The following SPHKAP variants were observed in gnomAD, a reference collection of about 807,000 sequenced individuals.
SPHKAP encodes the protein A-kinase anchor protein SPHKAP.
Under a neutral mutation model 137.5 loss-of-function variants are expected in SPHKAP, and 67 were observed. The ratio of observed to expected loss-of-function variants is 0.49; its 90% CI spans 0.40 to 0.60. The LOEUF is 0.60. Among genes scored for constraint, SPHKAP ranks in the 20% least tolerant of loss-of-function variants. The pLI is 0.00. For missense variants in SPHKAP, 2,097 were observed against 2,069.3 expected (o/e 1.01, Z -0.26); for synonymous variants, 813 against 785.3 (o/e 1.04, Z -0.59).
intron 3 of SPHKAP, among the ~76,000 whole-genome samples, chr2:228,076,681 G>C (rs1221452475): frequency 6.6e-6 from 1 of 152,176 alleles, no homozygotes; most frequent in Non-Finnish European, 1.5e-5. Context: ...CTTGGGTACT[G>C]TTAAAGGCAT....
rs144693276 is a variant in SPHKAP, at chr2:228,023,800, C to G, written c.441+1594G>C. On this transcript the variant is annotated intron_variant, in intron 5 of 11. Coordinates refer to ENST00000392056, the MANE Select transcript of SPHKAP (RefSeq NM_001142644.2). Reference sequence around the variant, plus strand: ...TGATTCACACGGAGTTGATTCACTTCCAGCGCCAGGGGTGATCATGTGACT... The same window carrying G: ...TGATTCACACGGAGTTGATTCACTTGCAGCGCCAGGGGTGATCATGTGACT... Among the ~76,000 whole-genome samples the G allele has an allele frequency of 9.4e-3, 1,426 of 152,282 alleles. 31 individuals carry two copies. Among genetic ancestry groups the G allele is most frequent in the African/African-American group, 0.033 (1,356 of 41,550 alleles).
intron 3 of SPHKAP, among the ~76,000 whole-genome samples, chr2:228,080,850 T>C (rs72973767): frequency 0.26 from 39,460 of 152,040 alleles, 5,339 homozygotes; most frequent in South Asian, 0.42. Flanking sequence ...AGACAAAAGA[T>C]AGCAAGTGTT....
At chr2:228,130,527 C>T (rs1264895315) in intron 2 of SPHKAP, among the ~76,000 whole-genome samples, 2 of 152,176 alleles carry the variant, frequency 1.3e-5, no homozygotes, top group Non-Finnish European at 2.9e-5. Flanking sequence ...ATGAAACTGG[C>T]TGTTAAATTC....
intron 2 of SPHKAP, 95 bp downstream of exon 2, chr2:228,131,885 T>C (rs1699264296): frequency 6.8e-7 from 1 of 1,474,538 alleles, no homozygotes; most frequent in South Asian, 1.2e-5. Context: ...TTGTTTTTAT[T>C]GTTGTTTCTA....
At chr2:228,075,135 GA>G (rs1697137077) in intron 3 of SPHKAP, among the ~76,000 whole-genome samples, 1 of 152,050 alleles carries the variant, frequency 6.6e-6, no homozygotes, top group Non-Finnish European at 1.5e-5. Context: ...ACATAATTAT[GA>G]AAAAAATACA....
chr2:228,073,869 T>A (rs1342613669), intron 3 of SPHKAP, among the ~76,000 whole-genome samples: 2 of 138,132 alleles, frequency 1.4e-5, no homozygotes, highest in Non-Finnish European at 3.2e-5. Flanking sequence ...ACATCTTTTT[T>A]TAAAAGCATA....
chr2:228,172,030 AT>A (rs1277054526), intron 1 of SPHKAP, among the ~76,000 whole-genome samples: 2 of 148,536 alleles, frequency 1.3e-5, no homozygotes, highest in Non-Finnish European at 3.0e-5. Context: ...GGTATGTTGG[AT>A]TTTGTGAAAA....
At chr2:228,179,249 C>T (rs763031046) in intron 1 of SPHKAP, among the ~76,000 whole-genome samples, 3 of 152,304 alleles carry the variant, frequency 2.0e-5, no homozygotes, top group Non-Finnish European at 2.9e-5. Context: ...TTGGACATCA[C>T]AAGCCTTGAC....
chr2:228,016,635 A>AG lies in SPHKAP; in HGVS notation c.4218dup (p.Ser1407LeufsTer26). The AG allele has an allele frequency of 6.2e-7, 1 of 1,613,670 alleles. No individual in the cohort carries two copies. Among genetic ancestry groups the AG allele is most frequent in the Admixed American group, 1.7e-5 (1 of 59,890 alleles). The stretch of plus-strand genomic sequence containing the variant: ...TTTATTGGTACAGGGTCCTGGCACG[A>AG]GGAAGTTTCTTTTTTAGAATCTAAA... On this transcript the variant is annotated frameshift_variant, in exon 7 of 12. Coordinates refer to ENST00000392056, the MANE Select transcript of SPHKAP (RefSeq NM_001142644.2). LOFTEE classifies it high-confidence loss of function.
At chr2:228,131,653 G>A (rs1273130669) in intron 2 of SPHKAP, 6 of 371,322 alleles carry the variant, frequency 1.6e-5, no homozygotes, top group Admixed American at 6.5e-5. Context: ...AATATGTTGA[G>A]TCATTCAAAA....
At chr2:228,103,742 C>A (rs1276437617) in intron 3 of SPHKAP, among the ~76,000 whole-genome samples, 1 of 152,140 alleles carries the variant, frequency 6.6e-6, no homozygotes, top group Non-Finnish European at 1.5e-5. Context: ...CTACAGACAG[C>A]ATTTAGCTCC....
rs1464611768 is a variant in SPHKAP at position 228,019,375 on chromosome 2, CTG to C, written c.1477_1478del (p.Gln493GlufsTer58). ...AAGCTAACGCCACTTCTAGAGCACT[CTG>C]GGGTTGTCTGCTGGAGTTCTCTCCA... is the stretch of plus-strand genomic sequence containing the variant. ...LSGENSSRQP[Q>X]SALEVALACA... On this transcript the variant is annotated frameshift_variant, in exon 7 of 12. Coordinates refer to ENST00000392056, the MANE Select transcript of SPHKAP (RefSeq NM_001142644.2). LOFTEE classifies it high-confidence loss of function. 6.2e-7 allele frequency: 1 copy of C among 1,614,156 alleles called. No homozygotes were observed. The highest frequency in any genetic ancestry group is 1.7e-5 in the Admixed American group (1 of 60,022).
intron 3 of SPHKAP, among the ~76,000 whole-genome samples, chr2:228,093,769 A>G (rs1403696772): frequency 6.9e-6 from 1 of 144,856 alleles, no homozygotes; most frequent in African/African-American, 2.5e-5. Context: ...GAGGCAGGAG[A>G]ATCGTTTGAA....
chr2:228,010,099 ATTG>A (rs1694310149), intron 7 of SPHKAP, among the ~76,000 whole-genome samples: 4 of 152,094 alleles, frequency 2.6e-5, no homozygotes, highest in Non-Finnish European at 5.9e-5. Context: ...TCTTGGCATT[ATTG>A]TCTGAAAAGG....
chr2:227,995,654 A>G lies in SPHKAP; in HGVS notation c.4489T>C (p.Ser1497Pro), dbSNP rs1693613549. 6.2e-7 allele frequency: 1 copy of G among 1,612,060 alleles called. No individual in the cohort carries two copies. Among genetic ancestry groups the G allele is most frequent in the South Asian group, 1.1e-5 (1 of 90,880 alleles). Residue 1497 changes from serine to proline, a missense_variant, in exon 8 of 12, where the codon TCC (serine) becomes CCC (proline). Physicochemically the swap from Ser to Pro is moderately conservative, Grantham distance 74 (BLOSUM62 -1). Coordinates refer to ENST00000392056, the MANE Select transcript of SPHKAP (RefSeq NM_001142644.2). Reference protein sequence around the residue: ...DTRDVPEAEASTEARAPDEAP... With the variant: ...DTRDVPEAEAPTEARAPDEAP... Reference sequence around the variant, plus strand: ...TCATCGGGGGCTCTGGCTTCTGTGGAGGCTTCAGCCTCTGGTACATCTCTG... The same window carrying G: ...TCATCGGGGGCTCTGGCTTCTGTGGGGGCTTCAGCCTCTGGTACATCTCTG...
At chr2:228,164,906 G>A (rs984639633) in intron 1 of SPHKAP, among the ~76,000 whole-genome samples, 4 of 152,034 alleles carry the variant, frequency 2.6e-5, no homozygotes, top group African/African-American at 7.2e-5. Context: ...TTTTCTTGGC[G>A]CACACATGTC....
chr2:228,036,897 G>C (rs1018094878), intron 3 of SPHKAP, among the ~76,000 whole-genome samples: 6 of 152,080 alleles, frequency 3.9e-5, no homozygotes, highest in African/African-American at 4.8e-5. Flanking sequence ...GTGGGAGGAG[G>C]GGGGAGGGAT....
intron 4 of SPHKAP, among the ~76,000 whole-genome samples, chr2:228,026,829 A>G (rs190678359): frequency 5.9e-5 from 9 of 152,342 alleles, no homozygotes; most frequent in Admixed American, 1.3e-4. Context: ...GAGTAATTGC[A>G]GGTCTACTGT....
At chr2:228,023,182 AT>A (rs1694906266) in intron 5 of SPHKAP, among the ~76,000 whole-genome samples, 1 of 152,178 alleles carries the variant, frequency 6.6e-6, no homozygotes, top group South Asian at 2.1e-4. Context: ...TCTAGGAGAG[AT>A]GATTATAAAA....
Sources: allele counts gnomAD v4.1 joint callset (sites outside exome capture counted in the v4.1 genomes callset), GRCh38; gene constraint gnomAD v4.1.1; transcripts MANE v1.5; gene names NCBI Gene and HGNC (gene_info 2026-07-23, HGNC 2026-07-21).